ADGRL4: variants seen among roughly 807,000 people sequenced by gnomAD.
ADGRL4 encodes adhesion G protein-coupled receptor L4, also known as EGF, latrophilin and seven transmembrane domain containing 1.
ADGRL4 carries 90 observed loss-of-function variants against 74.8 expected under a neutral mutation model. The observed-to-expected ratio is 1.20, with a 90% CI of 1.02 to 1.43. The LOEUF (loss-of-function observed/expected upper bound fraction) is 1.43. ADGRL4 is among the 40% of genes most tolerant of loss of function. The pLI is 0.00. For synonymous variants in ADGRL4, 311 were observed against 279.2 expected (o/e 1.11, Z -1.14); for missense variants, 881 against 814.3 (o/e 1.08, Z -1.00).
intron 2 of ADGRL4, among the ~76,000 whole-genome samples, chr1:78,965,431 G>C (rs12044660): frequency 0.09 from 13,644 of 152,070 alleles, 829 homozygotes; most frequent in East Asian, 0.35. Flanking sequence ...TAACATTACA[G>C]TTATTTCCTG....
chr1:78,928,190 T>A (rs1215639653), intron 7 of ADGRL4, among the ~76,000 whole-genome samples: 1 of 151,488 alleles, frequency 6.6e-6, no homozygotes, highest in Admixed American at 6.6e-5. Context: ...GAAGGATTTT[T>A]AAAGTCTACT....
At chr1:78,938,312 A>G in intron 4 of ADGRL4, 33 bp from the exon 5 acceptor site, 1 of 1,510,936 alleles carries the variant, frequency 6.6e-7, no homozygotes, top group Non-Finnish European at 8.8e-7. Context: ...AAAGGAAACT[A>G]AATTAGTTCT....
intron 12 of ADGRL4, among the ~76,000 whole-genome samples, chr1:78,905,322 C>A (rs1473950634): frequency 6.6e-6 from 1 of 151,830 alleles, no homozygotes; most frequent in East Asian, 1.9e-4. Context: ...AAAGAAATAA[C>A]TATATTGCAA....
chr1:79,000,300 T>A (rs1214137406), intron 2 of ADGRL4, among the ~76,000 whole-genome samples: 2 of 152,152 alleles, frequency 1.3e-5, no homozygotes, highest in Non-Finnish European at 2.9e-5. Flanking sequence ...ATTTCTTAGT[T>A]GTACCTGATT....
intron 12 of ADGRL4, among the ~76,000 whole-genome samples, chr1:78,909,004 T>C (rs1212419100): frequency 6.6e-6 from 1 of 151,882 alleles, no homozygotes; most frequent in Non-Finnish European, 1.5e-5. Context: ...CTATCTATTG[T>C]TTCAAGAAGG....
chr1:78,917,782 C>T (rs1648909050), intron 11 of ADGRL4, 48 bp downstream of exon 11: 1 of 1,586,148 alleles, frequency 6.3e-7, no homozygotes, highest in African/African-American at 1.4e-5. Flanking sequence ...AAATGCAAAG[C>T]ACATTCAAAA....
intron 6 of ADGRL4, 52 bp from the exon 7 acceptor site, chr1:78,936,463 C>T (rs1649356787): frequency 7.1e-7 from 1 of 1,406,566 alleles, no homozygotes; most frequent in Non-Finnish European, 9.6e-7. Context: ...AATCAATATA[C>T]ATCATAAATA....
chr1:78,913,166 G>T (rs1416443804), intron 12 of ADGRL4, among the ~76,000 whole-genome samples: 3 of 151,954 alleles, frequency 2.0e-5, no homozygotes, highest in Non-Finnish European at 4.4e-5. Context: ...GGGAGAAAAA[G>T]GAATGGTTAT....
chr1:78,898,877 T>C (rs1313577331), intron 12 of ADGRL4, among the ~76,000 whole-genome samples: 2 of 152,092 alleles, frequency 1.3e-5, no homozygotes, highest in Non-Finnish European at 2.9e-5. Context: ...TTTTTAAGTG[T>C]CTTTAAAAAA....
intron 1 of ADGRL4, among the ~76,000 whole-genome samples, chr1:79,005,837 G>A (rs1570284927): frequency 6.6e-6 from 1 of 151,128 alleles, no homozygotes; most frequent in Non-Finnish European, 1.5e-5. Flanking sequence ...TCCATTAGGG[G>A]AAATTTAAAA....
At chr1:79,006,151 C>A (rs1478553421) in intron 1 of ADGRL4, among the ~76,000 whole-genome samples, 1 of 152,192 alleles carries the variant, frequency 6.6e-6, no homozygotes, top group African/African-American at 2.4e-5. Flanking sequence ...TTGTCCTTAT[C>A]AGGTACCAAG....
intron 12 of ADGRL4, among the ~76,000 whole-genome samples, chr1:78,900,132 G>A (rs940092472): frequency 1.3e-5 from 2 of 152,128 alleles, no homozygotes; most frequent in African/African-American, 4.8e-5. Flanking sequence ...AGATGAATGA[G>A]ATCATGAGTC....
chr1:78,912,714 A>G lies in ADGRL4; in HGVS notation c.1749+4920T>C, dbSNP rs536028788. ...ACTCTTTGTGGCAATATGATACCAA[A>G]TTATAAACAGGACCTGAGGCTATAC... On this transcript the variant is annotated intron_variant, in intron 12 of 14. Coordinates refer to ENST00000370742, the MANE Select transcript of ADGRL4 (RefSeq NM_022159.4). Among the ~76,000 whole-genome samples, 19 of 151,956 alleles carry G rather than the reference A, an allele frequency of 1.3e-4. No individual in the cohort carries two copies. In the East Asian group the frequency reaches 1.8e-3, roughly 14 times the overall value.
chr1:78,945,734 C>T (rs1649587122), intron 3 of ADGRL4, among the ~76,000 whole-genome samples: 1 of 152,090 alleles, frequency 6.6e-6, no homozygotes, highest in Admixed American at 6.6e-5. Flanking sequence ...AGTGACCCTA[C>T]ATGATTTTAT....
intron 7 of ADGRL4, among the ~76,000 whole-genome samples, chr1:78,928,363 A>G (rs919500675): frequency 6.6e-6 from 1 of 151,438 alleles, no homozygotes; most frequent in Non-Finnish European, 1.5e-5. Flanking sequence ...AACTTCTTCA[A>G]TTCCTATGAT....
rs574835881 is a variant in ADGRL4, at chr1:78,926,882, T to C, written c.1083+4A>G. 8 of 1,607,484 alleles carry C rather than the reference T, an allele frequency of 5.0e-6. No individual in the cohort carries two copies. Among genetic ancestry groups the C allele is most frequent in the South Asian group, 4.4e-5 (4 of 90,798 alleles). On this transcript the variant is annotated splice_donor_region_variant and intron_variant, in intron 8 of 14. Transcript: ENST00000370742. ...AGCCAATAACTACCAGAAAAACAGC[T>C]TACCTTTCGATGACTTAATGTAAAT...
chr1:78,903,091 A>G (rs183698214), intron 12 of ADGRL4, among the ~76,000 whole-genome samples: 33 of 152,226 alleles, frequency 2.2e-4, no homozygotes, highest in African/African-American at 6.5e-4. Context: ...AATATGAATG[A>G]CACTGGTGTC....
At chr1:78,892,781 G>A (rs1311715138) in intron 13 of ADGRL4, among the ~76,000 whole-genome samples, 2 of 151,858 alleles carry the variant, frequency 1.3e-5, no homozygotes, top group African/African-American at 2.4e-5. Flanking sequence ...GGGATAACAA[G>A]AAAGAAACAG....
In ADGRL4 at chr1:78,936,040, C is replaced by T. The variant is rs1409325783; in HGVS notation, c.877+255G>A. Among the ~76,000 whole-genome samples, 2 of 43,914 alleles carry T rather than the reference C, an allele frequency of 4.6e-5. 1 individual carries two copies. Among genetic ancestry groups the T allele is most frequent in the Non-Finnish European group, 1.0e-4 (2 of 19,648 alleles). The allele number at this position is 43,914 out of a possible 152,430, so 28.8% of individuals were successfully genotyped here. Reference sequence around the variant, plus strand: ...TCGGGAGGCTGAGGCAGGAGAATGGCGTGAACCCGGGAGGCGGAGCTTGCA... The same window carrying T: ...TCGGGAGGCTGAGGCAGGAGAATGGTGTGAACCCGGGAGGCGGAGCTTGCA... On this transcript the variant is annotated intron_variant, in intron 7 of 14. Transcript: ENST00000370742.
Sources: allele counts gnomAD v4.1 joint callset (sites outside exome capture counted in the v4.1 genomes callset), GRCh38; gene constraint gnomAD v4.1.1; transcripts MANE v1.5; gene names NCBI Gene and HGNC (gene_info 2026-07-23, HGNC 2026-07-21).